BCAT2: variants seen among roughly 807,000 people sequenced by gnomAD.
The protein encoded by BCAT2 is branched-chain-amino-acid aminotransferase, mitochondrial.
BCAT2 carries 44 observed loss-of-function variants against 52.9 expected under a neutral mutation model. The observed-to-expected ratio is 0.83, with a 90% CI of 0.65 to 1.07. The LOEUF (loss-of-function observed/expected upper bound fraction) is 1.07. Among genes scored for constraint, BCAT2 ranks in the 50% least tolerant of loss-of-function variants. BCAT2 has a pLI of 0.00. For synonymous variants in BCAT2, 215 were observed against 217.1 expected, an observed-to-expected ratio of 0.99 and a Z score of 0.08; for missense variants, 478 against 521.8, an observed-to-expected ratio of 0.92 and a Z score of 0.82.
At chr19:48,796,140 C>A (rs772442322) in intron 10 of BCAT2, 1 of 520,006 alleles carries the variant, frequency 1.9e-6, no homozygotes. Context: ...GAGGGGGTTT[C>A]TCCTACCAGG....
rs1191328776 is a variant in BCAT2 at position 48,800,074 on chromosome 19, C to T, written c.438G>A (p.Glu146=). The change falls in exon 5 of 11, where the codon GAG becomes GAA. Residue 146 remains glutamate, a synonymous_variant. Coordinates refer to ENST00000316273, the MANE Select transcript of BCAT2 (RefSeq NM_001190.4). ...CCACTTCGATGAGCCGGCGGATGCA[C>T]TCCAGCAACTCCAGCTTGTCGAAAC... is the stretch of plus-strand genomic sequence containing the variant. ...LPSFDKLELL[E]CIRRLIEVDK... The T allele has an allele frequency of 1.2e-6, 2 of 1,613,938 alleles. No individual in the cohort carries two copies. The highest frequency in any genetic ancestry group is 1.7e-6 in the Non-Finnish European group (2 of 1,179,950).
At position 48,799,822 on chromosome 19, in the gene BCAT2, C is replaced by T. The variant is rs1012327340; in HGVS notation, c.548G>A (p.Ser183Asn). Residue 183 changes from serine to asparagine, a missense_variant, in exon 6 of 11, where the codon AGC becomes AAC. Transcript: ENST00000316273. This position sits in a 1 kb window ranked among gnomAD's most constrained non-coding sequence, Gnocchi z 5.5. ...LIGNEPSLGV[S>N]QPTRALLFVI... The stretch of plus-strand genomic sequence containing the variant: ...GAACAGGAGCGCGCGCGTGGGCTGG[C>T]TGACACCCAGCGAGGGCTGCGACGG... 6 of 1,558,462 alleles carry T rather than the reference C, an allele frequency of 3.8e-6. No homozygotes were observed. In the African/African-American group the frequency reaches 8.2e-5, roughly 21 times the overall value.
rs2034805955 is a variant in BCAT2 at position 48,807,135 on chromosome 19, C to T, written c.25-61G>A. ...GGGCACAGCAGGGGCCCTGGCAGCT[C>T]GCTCGCCACCTCCTGCACTTGGAGG... is the stretch of plus-strand genomic sequence containing the variant. On this transcript the variant is annotated intron_variant, in intron 1 of 10. Transcript: ENST00000316273. This position sits in a 1 kb window ranked among gnomAD's most constrained non-coding sequence, Gnocchi z 4.6. 2.1e-6 allele frequency: 3 copies of T among 1,406,046 alleles called. No homozygotes were observed. The highest frequency in any genetic ancestry group is 2.3e-5 in the East Asian group (1 of 43,426). The allele number at this position is 1,406,046 out of a possible 1,614,324, so 87.1% of individuals were successfully genotyped here.
Position 48,796,941 on chromosome 19 carries a change from G to A in BCAT2, c.920C>T (p.Thr307Ile). Residue 307 changes from threonine (T) to isoleucine (I), a missense_variant, in exon 8 of 11, where the codon ACC (threonine) becomes ATC (isoleucine). Transcript: ENST00000316273. ...VRQSLLDMAQ[T>I]WGEFRVVERT... The stretch of plus-strand genomic sequence containing the variant: ...CAGAAGATGCCATGTCCTCACCCAG[G>A]TCTGAGCCATGTCCAGTAGACTCTG... 1.2e-6 allele frequency: 2 copies of A among 1,614,170 alleles called. No individual in the cohort carries two copies. Among genetic ancestry groups the A allele is most frequent in the East Asian group, 2.2e-5 (1 of 44,882 alleles).
At chr19:48,808,612 G>C (rs985110009) in intron 1 of BCAT2, among the ~76,000 whole-genome samples, 1 of 151,414 alleles carries the variant, frequency 6.6e-6, no homozygotes, top group African/African-American at 2.4e-5. Context: ...CAAGTTAGCT[G>C]GGTGTGGTGG....
chr19:48,810,833 C>T, intron 1 of BCAT2, 151 bp downstream of exon 1: 12 of 1,489,642 alleles, frequency 8.1e-6, no homozygotes, highest in Admixed American at 2.5e-5. Flanking sequence ...GTGCTCCTTT[C>T]CAAAGGGCGC....
chr19:48,807,568 C>G lies in BCAT2; in HGVS notation c.25-494G>C. 2.7e-6 allele frequency: 1 copy of G among 365,060 alleles called. No homozygotes were observed. Among genetic ancestry groups the G allele is most frequent in the Non-Finnish European group, 3.8e-6 (1 of 261,576 alleles). 22.6% of individuals were successfully genotyped at this position (365,060 alleles called of 1,614,324 possible). Reference sequence around the variant, plus strand: ...TCCTCCCTCAGACCCGAAGTCTGGGCCCCCAGCCCCTCCTCCCTCAGACCC... The same window carrying G: ...TCCTCCCTCAGACCCGAAGTCTGGGGCCCCAGCCCCTCCTCCCTCAGACCC... On this transcript the variant is annotated intron_variant, in intron 1 of 10. Coordinates refer to ENST00000316273, the MANE Select transcript of BCAT2 (RefSeq NM_001190.4). This position sits in a 1 kb window ranked among gnomAD's most constrained non-coding sequence, Gnocchi z 4.6.
At chr19:48,810,732 T>G in intron 1 of BCAT2, 6 of 1,069,772 alleles carry the variant, frequency 5.6e-6, no homozygotes, top group Non-Finnish European at 7.3e-6. Context: ...TCCACCATGT[T>G]TCCCTTTTTT....
In BCAT2 at chr19:48,795,254, T is replaced by G. The variant is rs922085358; in HGVS notation, c.*172A>C. 7.8e-6 allele frequency: 6 copies of G among 772,282 alleles called. No individual in the cohort carries two copies. Among genetic ancestry groups the G allele is most frequent in the Admixed American group, 2.3e-5 (1 of 43,906 alleles). The allele number at this position is 772,282 out of a possible 1,614,324, so 47.8% of individuals were successfully genotyped here. The stretch of plus-strand genomic sequence containing the variant: ...GGGGCTGGGGGCCAAGATGCCTGGG[T>G]CGGCCCTTACGGCTTTGGGAGTGTC... On this transcript the variant is annotated 3_prime_UTR_variant, in exon 11 of 11. Coordinates refer to ENST00000316273, the MANE Select transcript of BCAT2 (RefSeq NM_001190.4).
chr19:48,796,275 C>A, intron 10 of BCAT2, 153 bp downstream of exon 10: 1 of 982,436 alleles, frequency 1.0e-6, no homozygotes, highest in Non-Finnish European at 1.5e-6. Flanking sequence ...CAGAGCAGCA[C>A]AGAAAGCCCA....
At chr19:48,806,496 A>T (rs779917358) in intron 3 of BCAT2, 21 bp downstream of exon 3, 1 of 1,612,960 alleles carries the variant, frequency 6.2e-7, no homozygotes, top group East Asian at 2.2e-5. Flanking sequence ...GGACAGGGAG[A>T]GAGGCCGGCC....
In BCAT2 at chr19:48,799,671, T is replaced by C. The variant is rs752745354; in HGVS notation, c.695+4A>G. 1.1e-5 allele frequency: 18 copies of C among 1,571,830 alleles called. No individual in the cohort carries two copies. The highest frequency in any genetic ancestry group is 1.5e-5 in the Non-Finnish European group (18 of 1,162,482). On this transcript the variant is annotated splice_donor_region_variant and intron_variant, in intron 6 of 10. Transcript: ENST00000316273. This position sits in a 1 kb window ranked among gnomAD's most constrained non-coding sequence, Gnocchi z 5.5. ...GTCGTTCTGGGGATGGGGGTGCTAC[T>C]TACCCACCTAACTTGTAGTTGCCGA...
Position 48,807,013 on chromosome 19 carries a change from G to T in BCAT2, c.86C>A (p.Ser29Tyr). ...WLLCGPRRYA[S>Y]SSFKAADLQL... is the part of the protein sequence containing the mutation. ...CCCTCCTTTCACCTTGAAACTGGAG[G>T]AGGCATATCTTCTGGGACCACACAG... Residue 29 changes from serine to tyrosine, a missense_variant, in exon 2 of 11, where the codon TCC becomes TAC. Coordinates refer to ENST00000316273, the MANE Select transcript of BCAT2 (RefSeq NM_001190.4). This position sits in a 1 kb window ranked among gnomAD's most constrained non-coding sequence, Gnocchi z 4.6. 2 of 1,613,932 alleles carry T rather than the reference G, an allele frequency of 1.2e-6. No individual in the cohort carries two copies. The highest frequency in any genetic ancestry group is 8.5e-7 in the Non-Finnish European group (1 of 1,179,916).
At chr19:48,801,917 G>A (rs571387289) in intron 3 of BCAT2, among the ~76,000 whole-genome samples, 3 of 151,108 alleles carry the variant, frequency 2.0e-5, no homozygotes, top group South Asian at 4.2e-4. Flanking sequence ...GATTACAGGC[G>A]TGAGCCACCA....
chr19:48,800,024 G>A lies in BCAT2; in HGVS notation c.488C>T (p.Ala163Val). 6.2e-7 allele frequency: 1 copy of A among 1,613,612 alleles called. No individual in the cohort carries two copies. Among genetic ancestry groups the A allele is most frequent in the Non-Finnish European group, 8.5e-7 (1 of 1,179,898 alleles). ...AGGCCGCACATAGAGGCTGGTGCCGGCGGCATCGGGGACCCAGTCCTTGTC... is the reference window on the plus strand; with the variant it reads ...AGGCCGCACATAGAGGCTGGTGCCGACGGCATCGGGGACCCAGTCCTTGTC... ...EVDKDWVPDAAGTSLYVRPVL... is the reference protein window; with the variant it reads ...EVDKDWVPDAVGTSLYVRPVL... Residue 163 changes from alanine to valine, a missense_variant, in exon 5 of 11, where the codon GCC becomes GTC. By Grantham distance (64) the Ala-to-Val change is moderately conservative (BLOSUM62 0). Coordinates refer to ENST00000316273, the MANE Select transcript of BCAT2 (RefSeq NM_001190.4).
intron 10 of BCAT2, 44 bp from the exon 11 acceptor site, chr19:48,795,508 C>T (rs1228988336): frequency 7.5e-6 from 12 of 1,609,912 alleles, no homozygotes; most frequent in Non-Finnish European, 9.3e-6. Flanking sequence ...AGCTGCACTA[C>T]AACTCCCAGT....
chr19:48,806,661 G>C lies in BCAT2; in HGVS notation c.156C>G (p.Gly52=). 1 of 1,614,040 alleles carries C rather than the reference G, an allele frequency of 6.2e-7. No individual in the cohort carries two copies. Among genetic ancestry groups the C allele is most frequent in the South Asian group, 1.1e-5 (1 of 91,092 alleles). ...TQKPHKKPGP[G]EPLVFGKTFT... ...ATGTCTTCCCAAACACCAGGGGCTC[G>C]CCGGGGCCAGGCTTCTTATGAGGCT... The change falls in exon 3 of 11, where the codon GGC becomes GGG. Residue 52 remains glycine, a synonymous_variant. Transcript: ENST00000316273.
chr19:48,809,522 C>T (rs7252854), intron 1 of BCAT2, among the ~76,000 whole-genome samples: 27,253 of 151,548 alleles, frequency 0.18, 2,549 homozygotes, highest in African/African-American at 0.23. Context: ...CTAGAACTGC[C>T]CCCTTTATAG....
At chr19:48,796,815 C>T in intron 8 of BCAT2, 97 bp from the exon 9 acceptor site, 1 of 1,590,642 alleles carries the variant, frequency 6.3e-7, no homozygotes, top group South Asian at 1.1e-5. Flanking sequence ...AGACAGAGGC[C>T]CAACGGGAGA....
Sources: gnomAD v4.1 joint callset for allele counts (sites outside exome capture counted in the v4.1 genomes callset) on GRCh38, gnomAD v4.1.1 for gene constraint, Gnocchi (gnomAD v3.1) non-coding constraint, MANE v1.5 for transcripts, NCBI Gene and HGNC (gene_info 2026-07-23, HGNC 2026-07-21) for gene names.